RASEF: variants seen among roughly 807,000 people sequenced by gnomAD.
The protein encoded by RASEF is ras and EF-hand domain-containing protein.
Under a neutral mutation model 90.1 loss-of-function variants are expected in RASEF, and 68 were observed. The ratio of observed to expected loss-of-function variants is 0.75; its 90% CI spans 0.62 to 0.92. The LOEUF (loss-of-function observed/expected upper bound fraction) is 0.92. RASEF is among the 40% of genes least tolerant of loss of function. RASEF has a pLI of 0.00. For missense variants in RASEF, 949 were observed against 937.2 expected, an observed-to-expected ratio of 1.01 and a Z score of -0.16; for synonymous variants, 331 against 345.2, an observed-to-expected ratio of 0.96 and a Z score of 0.46.
the RASEF span, among the ~76,000 whole-genome samples, chr9:83,075,349 G>A: frequency 3.3e-5 from 5 of 152,226 alleles, no homozygotes; most frequent in South Asian, 8.3e-4. Flanking sequence ...TTGTATGTGT[G>A]TGCGTGTATA....
the RASEF span, among the ~76,000 whole-genome samples, chr9:83,162,663 T>C: frequency 6.6e-6 from 1 of 152,070 alleles, no homozygotes; most frequent in Non-Finnish European, 1.5e-5. Flanking sequence ...GTATGAGAGG[T>C]GAGGACACAG....
chr9:83,013,839 A>G (rs1338599012), intron 4 of RASEF, among the ~76,000 whole-genome samples: 2 of 152,234 alleles, frequency 1.3e-5, no homozygotes, highest in Non-Finnish European at 2.9e-5. Context: ...ATAAAATGTC[A>G]GTCATTATGG....
At position 83,048,770 on chromosome 9, in the gene RASEF, T is replaced by C. The variant is rs545764210; in HGVS notation, c.431+13667A>G. On this transcript the variant is annotated intron_variant, in intron 1 of 16. Coordinates refer to ENST00000376447, the MANE Select transcript of RASEF (RefSeq NM_152573.4). ...CACTTATGTTTTCCGTCCTATATAG[T>C]TCTTGAGGATTTCAAGTCCCATTAG... 3 of 979,088 alleles carry C rather than the reference T, an allele frequency of 3.1e-6. No individual in the cohort carries two copies. The South Asian group carries it at 1.4e-4, about 46-fold the overall frequency. 60.7% of individuals were successfully genotyped at this position (979,088 alleles called of 1,614,324 possible).
upstream of RASEF, among the ~76,000 whole-genome samples, chr9:83,065,969 C>T (rs1257445577): frequency 6.6e-6 from 1 of 152,114 alleles, no homozygotes. Context: ...AATTATCTGG[C>T]CAAAAATGTC....
chr9:83,071,308 A>G, the RASEF span, among the ~76,000 whole-genome samples: 9 of 152,184 alleles, frequency 5.9e-5, no homozygotes, highest in African/African-American at 1.9e-4. Context: ...CTATTCATAC[A>G]TGGCTGAGAA....
intron 14 of RASEF, among the ~76,000 whole-genome samples, chr9:82,993,938 CAAG>C (rs1175759254): frequency 5.3e-5 from 8 of 152,188 alleles, no homozygotes; most frequent in African/African-American, 1.4e-4. Flanking sequence ...GATGAGAATA[CAAG>C]AAGACAACCT....
In RASEF at chr9:83,000,998, A is replaced by C. The variant is rs1477137326; in HGVS notation, c.1335T>G (p.Asp445Glu). The change falls in exon 10 of 17, where the codon GAT becomes GAG. Residue 445 changes from aspartate to glutamate, a missense_variant. By Grantham distance (45) the Asp-to-Glu change is conservative (BLOSUM62 2). Transcript: ENST00000376447. ...CCACTTCTGAGTCATACTCATTGGG[A>C]TCTCTCAAGGTAGACAAGCCGCTGT... ...CFDSGLSTLRDPNEYDSEVEY... is the reference protein window; with the variant it reads ...CFDSGLSTLREPNEYDSEVEY... 1.2e-6 allele frequency: 2 copies of C among 1,613,938 alleles called. No individual in the cohort carries two copies. The highest frequency in any genetic ancestry group is 2.7e-5 in the African/African-American group (2 of 74,896).
the RASEF span, among the ~76,000 whole-genome samples, chr9:83,146,526 A>G: frequency 6.6e-6 from 1 of 152,194 alleles, no homozygotes; most frequent in Non-Finnish European, 1.5e-5. Context: ...TTGATCCATG[A>G]ATGTCAACAG....
In RASEF at chr9:83,063,057, A is replaced by G. The variant is rs1028406757; in HGVS notation, c.-190T>C. 22 of 598,766 alleles carry G rather than the reference A, an allele frequency of 3.7e-5. No individual in the cohort carries two copies. The highest frequency in any genetic ancestry group is 5.3e-5 in the Non-Finnish European group (20 of 375,690). The allele number at this position is 598,766 out of a possible 1,614,324, so 37.1% of individuals were successfully genotyped here. A position where few individuals can be genotyped will look rare whatever the true frequency, so the allele number is the denominator to read the frequency against. ...GGTGGCCGAGCGGCTCCCTTCGACG[A>G]CGGTTCGGGCCAGCCCCCAACAGGT... On this transcript the variant is annotated 5_prime_UTR_variant, in exon 1 of 17. Transcript: ENST00000376447.
the RASEF span, among the ~76,000 whole-genome samples, chr9:83,146,132 C>T: frequency 6.6e-6 from 1 of 150,654 alleles, no homozygotes; most frequent in African/African-American, 2.4e-5. Context: ...GAGGTAAGTC[C>T]TCAAAAGACA....
chr9:83,071,643 C>T, the RASEF span, among the ~76,000 whole-genome samples: 4 of 152,114 alleles, frequency 2.6e-5, no homozygotes, highest in Non-Finnish European at 5.9e-5. Context: ...TGATCTCAAG[C>T]AGTCTGCCCA....
At chr9:82,996,032 T>A (rs1379602484) in intron 14 of RASEF, among the ~76,000 whole-genome samples, 1 of 152,238 alleles carries the variant, frequency 6.6e-6, no homozygotes, top group East Asian at 1.9e-4. Context: ...GTGTTTACAA[T>A]CATTTTAAGC....
In RASEF at chr9:82,981,026, C is replaced by A. The variant is rs541284830; in HGVS notation, c.*1651G>T. 5 of 152,084 alleles carry A rather than the reference C, an allele frequency of 3.3e-5. No homozygotes were observed. Among genetic ancestry groups the A allele is most frequent in the South Asian group, 2.1e-4 (1 of 4,822 alleles). The allele number at this position is 152,084 out of a possible 1,614,324, so 9.4% of individuals were successfully genotyped here. Reference sequence around the variant, plus strand: ...CATTTTTTCAAAAAACTGATGCTTGCGGAATTTAAGGTTCTATCACAAACA... The same window carrying A: ...CATTTTTTCAAAAAACTGATGCTTGAGGAATTTAAGGTTCTATCACAAACA... On this transcript the variant is annotated 3_prime_UTR_variant, in exon 17 of 17. Transcript: ENST00000376447.
At chr9:83,003,221 C>T (rs760821832) in intron 9 of RASEF, among the ~76,000 whole-genome samples, 26 of 152,056 alleles carry the variant, frequency 1.7e-4, no homozygotes, top group Non-Finnish European at 3.2e-4. Context: ...AATAATCACC[C>T]CCCCACACAC....
the RASEF span, among the ~76,000 whole-genome samples, chr9:83,102,591 T>G: frequency 6.6e-6 from 1 of 152,084 alleles, no homozygotes; most frequent in Admixed American, 6.6e-5. Flanking sequence ...GCATGCTACA[T>G]CACCCAGGGC....
chr9:83,181,123 T>C, the RASEF span, among the ~76,000 whole-genome samples: 1 of 148,540 alleles, frequency 6.7e-6, no homozygotes, highest in African/African-American at 2.5e-5. Flanking sequence ...AAGGCAATAC[T>C]AGATCTTGGC....
intron 1 of RASEF, among the ~76,000 whole-genome samples, chr9:83,038,124 G>A (rs1242096153): frequency 6.6e-6 from 1 of 152,004 alleles, no homozygotes; most frequent in Non-Finnish European, 1.5e-5. Context: ...AACATTTAAA[G>A]AATCATAAAC....
intron 1 of RASEF, among the ~76,000 whole-genome samples, chr9:83,058,576 C>A (rs1830145278): frequency 6.6e-6 from 1 of 152,210 alleles, no homozygotes; most frequent in Non-Finnish European, 1.5e-5. Context: ...GAAGCAACTA[C>A]ACTATTACAA....
At chr9:82,984,832 C>T (rs568577601) in intron 16 of RASEF, among the ~76,000 whole-genome samples, 1 of 152,146 alleles carries the variant, frequency 6.6e-6, no homozygotes, top group Admixed American at 6.5e-5. Context: ...GGCTCTGGGA[C>T]CTTCAGCTAC....
Sources: gnomAD v4.1 joint callset for allele counts (sites outside exome capture counted in the v4.1 genomes callset) on GRCh38, gnomAD v4.1.1 for gene constraint, MANE v1.5 for transcripts, NCBI Gene and HGNC (gene_info 2026-07-23, HGNC 2026-07-21) for gene names.